Variants in EFCAB6 observed in about 807,000 individuals in gnomAD.
EFCAB6 encodes the protein EF-hand calcium binding domain 6.
EFCAB6 carries 156 observed loss-of-function variants against 169.8 expected under a neutral mutation model. The observed-to-expected ratio is 0.92, with a 90% CI of 0.81 to 1.05. The LOEUF is 1.05. Among genes scored for constraint, EFCAB6 ranks in the 50% least tolerant of loss-of-function variants. EFCAB6 has a pLI of 0.00. For missense variants in EFCAB6, 1,800 were observed against 1,829.1 expected (o/e 0.98, Z 0.29); for synonymous variants, 698 against 676.4 (o/e 1.03, Z -0.50).
At chr22:43,655,773 A>G (rs1325760092) in intron 17 of EFCAB6, among the ~76,000 whole-genome samples, 1 of 152,142 alleles carries the variant, frequency 6.6e-6, no homozygotes, top group East Asian at 1.9e-4. Context: ...GTAACCAGAT[A>G]GTTTGAAAGC....
intron 2 of EFCAB6, among the ~76,000 whole-genome samples, chr22:43,788,012 G>C (rs1825376747): frequency 6.6e-6 from 1 of 152,122 alleles, no homozygotes. Flanking sequence ...ACAAAAAGTA[G>C]TCTTTTCAAC....
chr22:43,687,340 G>T, intron 11 of EFCAB6, 131 bp downstream of exon 11: 1 of 579,260 alleles, frequency 1.7e-6, no homozygotes, highest in South Asian at 3.1e-5. Flanking sequence ...CTATATAAAA[G>T]TTGGCAATTA....
chr22:43,584,346 T>G lies in EFCAB6; in HGVS notation c.3033-3687A>C, dbSNP rs372220203. On this transcript the variant is annotated intron_variant, in intron 24 of 31. Transcript: ENST00000262726. The stretch of plus-strand genomic sequence containing the variant: ...CTTTGGAGGCACAGGCTGGCAGGAA[T>G]ACTCACATGGTAATCTTGGCAAATT... 1.5e-3 allele frequency among the ~76,000 whole-genome samples: 224 copies of G among 152,276 alleles called. 4 individuals are homozygous for G. In the South Asian group the frequency reaches 0.044, roughly 30 times the overall value.
At position 43,608,515 on chromosome 22, in the gene EFCAB6, A is replaced by C; in HGVS notation, c.2648T>G (p.Leu883Arg). ...KNALYGFDIP[L>R]TPREFEKLWA... is the part of the protein sequence containing the mutation. ...AAGCTTTTCAAACTCTCTTGGTGTGAGGGGAATATCAAAACCGTACAGTGC... is the reference window on the plus strand; with the variant it reads ...AAGCTTTTCAAACTCTCTTGGTGTGCGGGGAATATCAAAACCGTACAGTGC... Residue 883 changes from leucine to arginine, a missense_variant, in exon 22 of 32, where the codon CTC (leucine) becomes CGC (arginine). Leu to Arg is a moderately radical substitution (Grantham distance 102). Transcript: ENST00000262726. The C allele has an allele frequency of 6.2e-7, 1 of 1,614,202 alleles. No homozygotes were observed. The highest frequency in any genetic ancestry group is 1.7e-5 in the Admixed American group (1 of 60,012).
At chr22:43,583,615 G>A (rs910509025) in intron 24 of EFCAB6, among the ~76,000 whole-genome samples, 3 of 145,472 alleles carry the variant, frequency 2.1e-5, no homozygotes, top group East Asian at 2.0e-4. Context: ...TTTTAGCAGC[G>A]AGGCCTTTGG....
chr22:43,610,553 C>A (rs1370597681), intron 21 of EFCAB6, among the ~76,000 whole-genome samples: 1 of 152,174 alleles, frequency 6.6e-6, no homozygotes, highest in Non-Finnish European at 1.5e-5. Context: ...GCAGTTTTGA[C>A]AGAAAATCAA....
intron 26 of EFCAB6, among the ~76,000 whole-genome samples, chr22:43,561,883 G>A (rs1040691023): frequency 6.7e-4 from 102 of 152,210 alleles, no homozygotes; most frequent in African/African-American, 2.4e-3. Flanking sequence ...TATTAACTGC[G>A]CTTTACATCA....
At chr22:43,742,038 C>T (rs553399714) in intron 6 of EFCAB6, among the ~76,000 whole-genome samples, 119 of 152,202 alleles carry the variant, frequency 7.8e-4, no homozygotes, top group African/African-American at 2.8e-3. Context: ...TTCTTGCAGC[C>T]TCCTCCAAAC....
At chr22:43,685,355 G>A (rs1055591405) in intron 11 of EFCAB6, among the ~76,000 whole-genome samples, 4 of 152,126 alleles carry the variant, frequency 2.6e-5, no homozygotes, top group African/African-American at 9.7e-5. Flanking sequence ...GCGGGGGGAA[G>A]ATTTGCCCTC....
At chr22:43,655,412 C>T (rs974850118) in intron 17 of EFCAB6, among the ~76,000 whole-genome samples, 3 of 150,614 alleles carry the variant, frequency 2.0e-5, no homozygotes, top group Admixed American at 6.6e-5. Context: ...ACACAGGCTG[C>T]GTGTCACAGT....
intron 5 of EFCAB6, among the ~76,000 whole-genome samples, chr22:43,756,737 A>T (rs954473484): frequency 1.3e-5 from 2 of 152,196 alleles, no homozygotes; most frequent in Non-Finnish European, 2.9e-5. Context: ...CAGGGAGATA[A>T]ATTGGAGATG....
chr22:43,792,556 C>T (rs779509626), intron 2 of EFCAB6, among the ~76,000 whole-genome samples: 1 of 152,168 alleles, frequency 6.6e-6, no homozygotes, highest in Non-Finnish European at 1.5e-5. Flanking sequence ...TTATCTAACT[C>T]AATTATTTAT....
intron 30 of EFCAB6, among the ~76,000 whole-genome samples, chr22:43,531,821 G>T (rs1043369480): frequency 2.6e-5 from 4 of 152,192 alleles, no homozygotes; most frequent in Admixed American, 2.6e-4. Context: ...ACACATCACA[G>T]GGCAGGACCA....
intron 10 of EFCAB6, among the ~76,000 whole-genome samples, chr22:43,701,728 A>T (rs911275038): frequency 9.5e-4 from 103 of 108,946 alleles, no homozygotes; most frequent in Admixed American, 1.9e-3. Flanking sequence ...TTTAAACAAT[A>T]AAAAAAAAAA....
chr22:43,721,065 A>C (rs564858611), intron 8 of EFCAB6, among the ~76,000 whole-genome samples: 1 of 152,212 alleles, frequency 6.6e-6, no homozygotes, highest in Non-Finnish European at 1.5e-5. Context: ...AATCAGTGGC[A>C]TTTCTATACA....
At position 43,782,232 on chromosome 22, in the gene EFCAB6, C is replaced by T. The variant is rs370474948; in HGVS notation, c.87G>A (p.Pro29=). 8.1e-6 allele frequency: 13 copies of T among 1,613,848 alleles called. No individual in the cohort carries two copies. Among genetic ancestry groups the T allele is most frequent in the Admixed American group, 1.7e-5 (1 of 59,986 alleles). ...KFTHSRPHSS[P]CRVYSRNGSP... is the part of the protein sequence containing the mutation. ...AACCATTCCTTGAATATACTCTACA[C>T]GGTGAAGAATGGGGTCTTGAATGTG... Residue 29 remains proline (P), a synonymous_variant, in exon 3 of 32, where the codon CCG becomes CCA. Transcript: ENST00000262726.
In EFCAB6 at chr22:43,741,748, G is replaced by T. The variant is rs1268974271; in HGVS notation, c.508-5755C>A. On this transcript the variant is annotated intron_variant, in intron 6 of 31. Transcript: ENST00000262726. ...CCCTGTCCTGCCACTGTCCACTCTG[G>T]GGCAGGATTCGGTATCTTCTCTTCT... 2.6e-5 allele frequency among the ~76,000 whole-genome samples: 4 copies of T among 152,148 alleles called. No homozygotes were observed. In the East Asian group the frequency reaches 7.8e-4, roughly 30 times the overall value.
chr22:43,578,011 C>T (rs1321323078), intron 25 of EFCAB6, among the ~76,000 whole-genome samples: 3 of 152,114 alleles, frequency 2.0e-5, no homozygotes, highest in African/African-American at 4.8e-5. Context: ...TAACTAAGGT[C>T]GATCCTCAGA....
At chr22:43,678,329 C>CTGTGTGTGTGTGTGTG (rs137787) in intron 12 of EFCAB6, among the ~76,000 whole-genome samples, 166 bp from the exon 13 acceptor site, 1,776 of 144,334 alleles carry the variant, frequency 0.012, 22 homozygotes, top group Non-Finnish European at 0.017. Context: ...AACATGAGCA[C>CTGTGTGTGTGTGTGTG]TGTGTGTGTG....
Sources: allele counts gnomAD v4.1 joint callset (sites outside exome capture counted in the v4.1 genomes callset), GRCh38; gene constraint gnomAD v4.1.1; transcripts MANE v1.5; gene names NCBI Gene and HGNC (gene_info 2026-07-23, HGNC 2026-07-21).